KDM2B: variants seen among roughly 807,000 people sequenced by gnomAD.
KDM2B encodes lysine demethylase 2B, also known as lysine-specific demethylase 2B.
KDM2B carries 26 observed loss-of-function variants against 150.0 expected under a neutral mutation model. The observed-to-expected ratio is 0.17, with a 90% CI of 0.13 to 0.24. KDM2B has a LOEUF of 0.24. Among genes scored for constraint, KDM2B ranks in the 10% least tolerant of loss-of-function variants. KDM2B has a pLI of 1.00. For missense variants in KDM2B, 1,265 were observed against 1,816.9 expected (o/e 0.70, Z 5.52); for synonymous variants, 734 against 729.5 (o/e 1.01, Z -0.10).
chr12:121,483,980 G>A (rs1210708181), intron 12 of KDM2B, among the ~76,000 whole-genome samples: 1 of 152,110 alleles, frequency 6.6e-6, no homozygotes, highest in African/African-American at 2.4e-5. Flanking sequence ...AATGGGCAAG[G>A]GGAGGGAACA....
intron 9 of KDM2B, among the ~76,000 whole-genome samples, chr12:121,517,508 G>A (rs1382030152): frequency 3.4e-5 from 5 of 148,706 alleles, no homozygotes; most frequent in African/African-American, 5.0e-5. Context: ...TCGCTCTGTC[G>A]CCCAGGCTGG....
At chr12:121,445,507 C>T in intron 13 of KDM2B, 89 bp from the exon 14 acceptor site, 1 of 1,375,538 alleles carries the variant, frequency 7.3e-7, no homozygotes, top group East Asian at 2.5e-5. Flanking sequence ...GAGCTGCTCC[C>T]CTTGGGCCTG....
Position 121,516,518 on chromosome 12 carries a change from T to C in KDM2B, c.1048-3116A>G, listed in dbSNP as rs538201480. On this transcript the variant is annotated intron_variant, in intron 9 of 22. Coordinates refer to ENST00000377071, the MANE Select transcript of KDM2B (RefSeq NM_032590.5). ...TCGCCTTCAAAAGGTTTCAGCCACA[T>C]GCCTGGGGACATTAAACATACGGTT... 368 of 1,413,184 alleles carry C rather than the reference T, an allele frequency of 2.6e-4. No homozygotes were observed. In the African/African-American group the frequency reaches 4.6e-3, roughly 18 times the overall value. The allele number at this position is 1,413,184 out of a possible 1,614,324, so 87.5% of individuals were successfully genotyped here.
intron 6 of KDM2B, among the ~76,000 whole-genome samples, chr12:121,545,414 T>A (rs373636378): frequency 6.6e-6 from 1 of 151,796 alleles, no homozygotes; most frequent in African/African-American, 2.4e-5. Context: ...AATGAGTGTG[T>A]GAGCCTCACT....
chr12:121,432,397 T>C (rs1313991822), intron 22 of KDM2B, among the ~76,000 whole-genome samples: 3 of 152,238 alleles, frequency 2.0e-5, no homozygotes, highest in African/African-American at 4.8e-5. Context: ...TTTACTAATA[T>C]GTTTATTTTC....
chr12:121,431,879 CTTTTTTTTTTTT>C (rs77237915), intron 22 of KDM2B, among the ~76,000 whole-genome samples: 20 of 122,398 alleles, frequency 1.6e-4, no homozygotes, highest in African/African-American at 2.5e-4. Context: ...TTTCTTTTTT[CTTTTTTTTTTTT>C]TTTTTGGAGA....
At chr12:121,577,471 G>A (rs1270127332) in intron 2 of KDM2B, among the ~76,000 whole-genome samples, 3 of 152,292 alleles carry the variant, frequency 2.0e-5, no homozygotes, top group South Asian at 2.1e-4. Context: ...GGCAGGCTGG[G>A]AGAAATTTAT....
chr12:121,490,018 C>T (rs1467551334), intron 12 of KDM2B, among the ~76,000 whole-genome samples: 4 of 152,170 alleles, frequency 2.6e-5, no homozygotes, highest in African/African-American at 9.7e-5. Flanking sequence ...GGACTGAGAG[C>T]GGGGCAGGGA....
intron 11 of KDM2B, among the ~76,000 whole-genome samples, chr12:121,507,642 T>C (rs1470733465): frequency 4.6e-5 from 7 of 152,108 alleles, no homozygotes; most frequent in African/African-American, 1.7e-4. Flanking sequence ...GTTTCATCCC[T>C]AGGAGGACAT....
chr12:121,427,527 G>A (rs1466433034), downstream of KDM2B, among the ~76,000 whole-genome samples: 4 of 152,274 alleles, frequency 2.6e-5, no homozygotes, highest in Admixed American at 6.5e-5. Context: ...GGACAAGAGC[G>A]AGACTCTGTC....
At chr12:121,480,780 C>CA (rs1451606939) in intron 12 of KDM2B, among the ~76,000 whole-genome samples, 113 of 151,334 alleles carry the variant, frequency 7.5e-4, no homozygotes, top group African/African-American at 2.6e-3. Context: ...CAAGAAAACC[C>CA]AAAAAACAAA....
chr12:121,516,244 G>A (rs1390375152), intron 9 of KDM2B: 10 of 309,148 alleles, frequency 3.2e-5, no homozygotes, highest in East Asian at 1.0e-4. Flanking sequence ...CATTCTGCTC[G>A]GACACCATGA....
intron 12 of KDM2B, among the ~76,000 whole-genome samples, chr12:121,491,770 G>GGCAACAGAGTTAAGACTCTGTGTAAA: frequency 6.8e-6 from 1 of 147,946 alleles, no homozygotes; most frequent in South Asian, 2.2e-4. Flanking sequence ...CTCCAGCCTG[G>GGCAACAGAGTTAAGACTCTGTGTAAA]TGACAAGAGC....
intron 12 of KDM2B, among the ~76,000 whole-genome samples, chr12:121,465,949 C>G (rs1213166445): frequency 6.6e-6 from 1 of 152,200 alleles, no homozygotes; most frequent in Non-Finnish European, 1.5e-5. Flanking sequence ...TGAATCGTCC[C>G]TGGGTTAATC....
chr12:121,557,917 C>T (rs1207182448), intron 4 of KDM2B, among the ~76,000 whole-genome samples: 3 of 152,180 alleles, frequency 2.0e-5, no homozygotes, highest in African/African-American at 7.2e-5. Flanking sequence ...CTGGTCCCTC[C>T]CCTTGCCTCC....
At chr12:121,579,990 A>G (rs1427039622) in intron 1 of KDM2B, 28 of 173,616 alleles carry the variant, frequency 1.6e-4, no homozygotes, top group Middle Eastern at 2.4e-3. Context: ...ACAGATTTGG[A>G]AAAAAAAAAA....
At position 121,575,824 on chromosome 12, in the gene KDM2B, T is replaced by C. The variant is rs1555316785; in HGVS notation, c.307A>G (p.Arg103Gly). The C allele has an allele frequency of 6.2e-7, 1 of 1,613,656 alleles. No individual in the cohort carries two copies. Among genetic ancestry groups the C allele is most frequent in the Non-Finnish European group, 8.5e-7 (1 of 1,179,512 alleles). ...NYEYVQREAL[R>G]VPLIFREKDG... is the part of the protein sequence containing the mutation. ...TTTTCTCGAAATATCAGGGGAACCC[T>C]GAGAGCTTCTCTCTGTACGTACTCA... The change falls in exon 3 of 23, where the codon AGG (arginine) becomes GGG (glycine). Residue 103 changes from arginine to glycine, a missense_variant. Around this residue, in one of 11 missense-constraint regions of KDM2B, gnomAD observed 214 missense variants for 447.4 expected, o/e 0.48. Coordinates refer to ENST00000377071, the MANE Select transcript of KDM2B (RefSeq NM_032590.5). The surrounding 1 kb of genome is among the most constrained non-coding windows in gnomAD (Gnocchi z 4.4).
chr12:121,516,850 A>T (rs1555305094), intron 9 of KDM2B: 1 of 662,542 alleles, frequency 1.5e-6, no homozygotes, highest in East Asian at 2.7e-5. Flanking sequence ...AGTGTCCTAC[A>T]ATTTGTTTTT....
At chr12:121,566,034 TCTATTCCAGATGAA>T (rs1890684027) in intron 4 of KDM2B, among the ~76,000 whole-genome samples, 1 of 151,426 alleles carries the variant, frequency 6.6e-6, no homozygotes, top group South Asian at 2.1e-4. Context: ...AACAGAAAAA[TCTATTCCAGATGAA>T]CTATAGATCA....
Sources: gnomAD v4.1 joint callset for allele counts (sites outside exome capture counted in the v4.1 genomes callset) on GRCh38, gnomAD v4.1.1 for gene constraint, gnomAD v4.1.1 regional missense constraint, Gnocchi (gnomAD v3.1) non-coding constraint, MANE v1.5 for transcripts, NCBI Gene and HGNC (gene_info 2026-07-23, HGNC 2026-07-21) for gene names.